Variants in CHLSN observed in about 807,000 individuals in gnomAD.
CHLSN encodes protein cholesin.
chr7:1,041,808 C>T, the CHLSN span, among the ~76,000 whole-genome samples: 1 of 152,094 alleles, frequency 6.6e-6, no homozygotes, highest in African/African-American at 2.4e-5. Context: ...CCCGCCCCCC[C>T]GAGAAAGCCC....
At chr7:1,114,549 G>A in the CHLSN span, among the ~76,000 whole-genome samples, 1 of 152,230 alleles carries the variant, frequency 6.6e-6, no homozygotes, top group Non-Finnish European at 1.5e-5. Context: ...CCCCCGCTCG[G>A]CCGCTCATGG....
chr7:993,164 T>A, the CHLSN span, among the ~76,000 whole-genome samples: 1 of 152,034 alleles, frequency 6.6e-6, no homozygotes, highest in Non-Finnish European at 1.5e-5. Flanking sequence ...TACGAGTGCT[T>A]CTGAGGTCCC....
the CHLSN span, among the ~76,000 whole-genome samples, chr7:1,033,291 C>T: frequency 6.6e-6 from 1 of 152,220 alleles, no homozygotes; most frequent in South Asian, 2.1e-4. Flanking sequence ...GGCGCAGTGG[C>T]TCACGCCTGT....
At chr7:1,023,780 A>G in the CHLSN span, among the ~76,000 whole-genome samples, 1 of 152,160 alleles carries the variant, frequency 6.6e-6, no homozygotes, top group Non-Finnish European at 1.5e-5. The surrounding 1 kb of genome is among the most constrained non-coding windows in gnomAD (Gnocchi z 5.0). Context: ...CGGCACATGT[A>G]GAAGGCAGGG....
At chr7:981,568 G>C in the CHLSN span, among the ~76,000 whole-genome samples, 2 of 151,948 alleles carry the variant, frequency 1.3e-5, no homozygotes, top group African/African-American at 4.8e-5. Flanking sequence ...ACAAAAAGTA[G>C]CCAGGTGTGG....
chr7:1,073,093 G>A, the CHLSN span, among the ~76,000 whole-genome samples: 2,138 of 152,220 alleles, frequency 0.014, 82 homozygotes, highest in Admixed American at 0.077. Flanking sequence ...TCTCTAGAAG[G>A]ATCTGAAAAT....
chr7:1,130,951 G>A, the CHLSN span, among the ~76,000 whole-genome samples: 1 of 152,192 alleles, frequency 6.6e-6, no homozygotes, highest in Non-Finnish European at 1.5e-5. Flanking sequence ...ATTCTGGGAG[G>A]CTGAGGTGGG....
At chr7:1,000,460 G>A in the CHLSN span, 17 of 1,589,490 alleles carry the variant, frequency 1.1e-5, no homozygotes, top group East Asian at 1.8e-4. Flanking sequence ...CTGCCCCGCC[G>A]TGCACACACC....
At chr7:1,044,848 G>A in the CHLSN span, among the ~76,000 whole-genome samples, 5 of 152,078 alleles carry the variant, frequency 3.3e-5, 1 homozygote, top group African/African-American at 7.2e-5. Flanking sequence ...TCCTCCGGCC[G>A]CGCTCCGAGC....
At chr7:1,062,259 T>C in the CHLSN span, among the ~76,000 whole-genome samples, 17 of 150,892 alleles carry the variant, frequency 1.1e-4, no homozygotes, top group African/African-American at 4.1e-4. Flanking sequence ...CTAGTGTGAA[T>C]TGTGGCGAAG....
chr7:1,062,339 C>T, the CHLSN span, among the ~76,000 whole-genome samples: 3 of 152,086 alleles, frequency 2.0e-5, no homozygotes, highest in Non-Finnish European at 2.9e-5. Context: ...GAATAGTAAC[C>T]GTAACAGAAA....
chr7:1,059,844 C>T, the CHLSN span, among the ~76,000 whole-genome samples: 35 of 18,778 alleles, frequency 1.9e-3, 2 homozygotes, highest in East Asian at 0.025. Flanking sequence ...TGTAGTGAGG[C>T]GGGTCCGTAG....
At chr7:1,011,732 A>G in the CHLSN span, among the ~76,000 whole-genome samples, 3 of 151,514 alleles carry the variant, frequency 2.0e-5, no homozygotes, top group Admixed American at 1.3e-4. Context: ...GCCCACAGAC[A>G]CCCACAAACA....
chr7:1,031,911 G>A, the CHLSN span, among the ~76,000 whole-genome samples: 4 of 152,066 alleles, frequency 2.6e-5, no homozygotes, highest in African/African-American at 4.8e-5. Context: ...CCCGGGGAAC[G>A]GGCCGAGAGT....
At chr7:987,944 C>CCT in the CHLSN span, among the ~76,000 whole-genome samples, 65 of 125,282 alleles carry the variant, frequency 5.2e-4, no homozygotes, top group Non-Finnish European at 8.7e-4. Context: ...GGGGGGGTCC[C>CCT]CTGTGTGTCC....
the CHLSN span, among the ~76,000 whole-genome samples, chr7:1,014,041 G>T: frequency 6.6e-6 from 1 of 152,144 alleles, no homozygotes; most frequent in African/African-American, 2.4e-5. Flanking sequence ...CTGCACCTAC[G>T]CTGTGTATTT....
chr7:1,135,769 A>T, the CHLSN span, among the ~76,000 whole-genome samples: 1 of 82,382 alleles, frequency 1.2e-5, no homozygotes, highest in South Asian at 3.1e-4. Context: ...CACCTCAAAA[A>T]GAAATATATA....
the CHLSN span, chr7:1,028,514 G>A: frequency 7.1e-6 from 7 of 985,074 alleles, no homozygotes; most frequent in Admixed American, 6.1e-5. Context: ...GGTGGACCCT[G>A]CTGCAGCCCC....
chr7:1,132,649 A>C, the CHLSN span, among the ~76,000 whole-genome samples: 1 of 147,308 alleles, frequency 6.8e-6, no homozygotes, highest in Non-Finnish European at 1.5e-5. Flanking sequence ...AGCCATGATT[A>C]TGCCACTGCA....
Sources: allele counts gnomAD v4.1 joint callset (sites outside exome capture counted in the v4.1 genomes callset), GRCh38; gene constraint gnomAD v4.1.1; non-coding constraint Gnocchi (gnomAD v3.1); transcripts MANE v1.5; gene names NCBI Gene and HGNC (gene_info 2026-07-23, HGNC 2026-07-21).